The following PRKG1 variants were observed in gnomAD, a reference collection of about 807,000 sequenced individuals.
The protein encoded by PRKG1 is protein kinase cGMP-dependent 1.
In PRKG1, 35 loss-of-function variants were observed where a neutral mutation model predicts 88.1. The ratio of observed to expected loss-of-function variants is 0.40; its 90% CI spans 0.30 to 0.53. The LOEUF is 0.53. PRKG1 is among the 20% of genes least tolerant of loss of function. PRKG1 has a pLI of 0.59. For synonymous variants in PRKG1, 303 were observed against 292.5 expected (o/e 1.04, Z -0.37); for missense variants, 540 against 839.8 (o/e 0.64, Z 4.41).
At chr10:51,006,702 A>G (rs1207043210) in intron 1 of PRKG1, among the ~76,000 whole-genome samples, 1 of 151,792 alleles carries the variant, frequency 6.6e-6, no homozygotes, top group Non-Finnish European at 1.5e-5. Context: ...CTTTCCATGC[A>G]TTTCACGCCC....
intron 2 of PRKG1, among the ~76,000 whole-genome samples, chr10:51,193,672 C>T (rs966848650): frequency 6.6e-5 from 10 of 151,910 alleles, no homozygotes; most frequent in African/African-American, 2.4e-4. Flanking sequence ...CCTTCAAAAC[C>T]AAACCTCCAA....
At chr10:51,008,986 A>G (rs1842965472) in intron 1 of PRKG1, among the ~76,000 whole-genome samples, 1 of 152,210 alleles carries the variant, frequency 6.6e-6, no homozygotes, top group South Asian at 2.1e-4. Flanking sequence ...TGGTGGCTCC[A>G]TGAAATGTCA....
In PRKG1 at chr10:51,804,661, G is replaced by A; in HGVS notation, c.669G>A (p.Lys223=). The change falls in exon 4 of 18, where the codon AAG becomes AAA. Residue 223 remains lysine (K), a synonymous_variant. Transcript: ENST00000373980. ...QTIMMRTGLI[K]HTEYMEFLKS... is the part of the protein sequence containing the mutation. The stretch of plus-strand genomic sequence containing the variant: ...TAATGATGAGGACAGGACTCATCAA[G>A]CATACCGAGTATATGGAATTTTTAA... The A allele has an allele frequency of 1.3e-6, 2 of 1,592,582 alleles. No individual in the cohort carries two copies. The highest frequency in any genetic ancestry group is 1.7e-6 in the Non-Finnish European group (2 of 1,161,166).
At position 51,190,128 on chromosome 10, in the gene PRKG1, A is replaced by G. The variant is rs151201216; in HGVS notation, c.478+36798A>G. ...TAACAACATTGTTGTTGTCATATCT[A>G]TAGTCTAGAAGTAGTTCATCTTTTG... On this transcript the variant is annotated intron_variant, in intron 2 of 17. Transcript: ENST00000373980. Among the ~76,000 whole-genome samples the G allele has an allele frequency of 7.2e-5, 11 of 152,106 alleles. No individual in the cohort carries two copies. The East Asian group carries it at 1.7e-3, about 24-fold the overall frequency.
chr10:51,858,157 TATATATTATATATATACATATTATAC>T (rs1840738875), intron 4 of PRKG1, among the ~76,000 whole-genome samples: 1 of 19,246 alleles, frequency 5.2e-5, no homozygotes, highest in African/African-American at 2.9e-4. Flanking sequence ...ATATATATAA[TATATATTATATATATACATATTATAC>T]ATATATATAA....
In PRKG1 at chr10:50,991,188, C is replaced by A; in HGVS notation, c.-191C>A. On this transcript the variant is annotated 5_prime_UTR_variant, in exon 1 of 18. Coordinates refer to the PRKG1 transcript ENST00000401604. The surrounding 1 kb of genome is among the most constrained non-coding windows in gnomAD (Gnocchi z 4.5). The stretch of plus-strand genomic sequence containing the variant: ...CTCCCCTCGGTGCTTTTAGTCCATT[C>A]AGCAGAAGCGGATCGAAGCAGGAGG... 1 of 753,040 alleles carries A rather than the reference C, an allele frequency of 1.3e-6. No homozygotes were observed. 46.6% of individuals were successfully genotyped at this position (753,040 alleles called of 1,614,324 possible).
rs187694418 is a variant in PRKG1 at position 52,246,702 on chromosome 10, C to A, written c.1077-4868C>A. Reference sequence around the variant, plus strand: ...GACCAGCCTGACCAACATGGTGAAACCCCATCTCTACTAAAAATACAAAAT... The same window carrying A: ...GACCAGCCTGACCAACATGGTGAAAACCCATCTCTACTAAAAATACAAAAT... On this transcript the variant is annotated intron_variant, in intron 9 of 17. Coordinates refer to ENST00000373980, the MANE Select transcript of PRKG1 (RefSeq NM_006258.4). Among the ~76,000 whole-genome samples, 46 of 151,852 alleles carry A rather than the reference C, an allele frequency of 3.0e-4. 1 individual carries two copies. The highest frequency in any genetic ancestry group is 3.4e-3 in the Middle Eastern group (1 of 294).
intron 9 of PRKG1, among the ~76,000 whole-genome samples, chr10:52,246,825 G>A (rs1420412264): frequency 7.3e-6 from 1 of 137,688 alleles, no homozygotes; most frequent in African/African-American, 2.8e-5. Context: ...GCAGTGAGCC[G>A]AGATCATGCC....
intron 8 of PRKG1, among the ~76,000 whole-genome samples, chr10:52,134,934 T>C (rs1169079394): frequency 6.6e-6 from 1 of 152,080 alleles, no homozygotes; most frequent in Non-Finnish European, 1.5e-5. Flanking sequence ...TTTTGTCTGG[T>C]TCCCAAAAAC....
chr10:51,396,665 A>T (rs765771967), intron 2 of PRKG1, among the ~76,000 whole-genome samples: 13 of 152,254 alleles, frequency 8.5e-5, no homozygotes, highest in Non-Finnish European at 1.5e-4. Flanking sequence ...GAGCTCCAGG[A>T]TGCTCAGCTG....
rs879932296 is a variant in PRKG1, at chr10:52,257,443, AC to A, written c.1173+5781del. Among the ~76,000 whole-genome samples, 101 of 140,118 alleles carry A rather than the reference AC, an allele frequency of 7.2e-4. 26 individuals are homozygous for A. Among genetic ancestry groups the A allele is most frequent in the Non-Finnish European group, 1.3e-4 (8 of 61,828 alleles). The allele number at this position is 140,118 out of a possible 152,430, so 91.9% of individuals were successfully genotyped here. ...GTGAGCAACTTAACTCCAAAGGGAAACCCCATGTAAGATGAAAACATTTCAA... is the reference window on the plus strand; with the variant it reads ...GTGAGCAACTTAACTCCAAAGGGAAACCCATGTAAGATGAAAACATTTCAA... On this transcript the variant is annotated intron_variant, in intron 10 of 17. Transcript: ENST00000373980.
chr10:51,469,179 G>T (rs945351413), intron 3 of PRKG1, among the ~76,000 whole-genome samples: 1 of 151,686 alleles, frequency 6.6e-6, no homozygotes, highest in Non-Finnish European at 1.5e-5. Context: ...AATAGTCATG[G>T]CTCCATTAAG....
chr10:51,950,560 G>A (rs1460434345), intron 5 of PRKG1, among the ~76,000 whole-genome samples: 2 of 152,350 alleles, frequency 1.3e-5, no homozygotes, highest in East Asian at 3.9e-4. Flanking sequence ...GGATCTGGCT[G>A]GCCATTCCAA....
Position 51,014,281 on chromosome 10 carries a change from T to C in PRKG1, c.266+22637T>C, listed in dbSNP as rs535094215. 2.6e-4 allele frequency among the ~76,000 whole-genome samples: 40 copies of C among 152,114 alleles called. 1 individual carries two copies. Among genetic ancestry groups the C allele is most frequent in the African/African-American group, 8.2e-4 (34 of 41,504 alleles). On this transcript the variant is annotated intron_variant, in intron 1 of 17. Coordinates refer to the PRKG1 transcript ENST00000401604. ...ATTCCCGTTGACAAAACAAGTGTTGTTGCCTTGTAGGAGCTACTCCTGCAT... is the reference window on the plus strand; with the variant it reads ...ATTCCCGTTGACAAAACAAGTGTTGCTGCCTTGTAGGAGCTACTCCTGCAT...
At chr10:51,621,090 A>G (rs1264919239) in intron 3 of PRKG1, among the ~76,000 whole-genome samples, 3 of 148,036 alleles carry the variant, frequency 2.0e-5, no homozygotes, top group Non-Finnish European at 4.5e-5. Flanking sequence ...TCATAAACTG[A>G]CATATATGTG....
At chr10:51,044,914 C>G (rs930167499) in intron 1 of PRKG1, among the ~76,000 whole-genome samples, 1 of 152,074 alleles carries the variant, frequency 6.6e-6, no homozygotes, top group African/African-American at 2.4e-5. Context: ...TCCTGGAAGC[C>G]AAATGTCTGG....
intron 3 of PRKG1, among the ~76,000 whole-genome samples, chr10:51,685,112 G>A (rs1211376614): frequency 6.6e-6 from 1 of 152,110 alleles, no homozygotes; most frequent in African/African-American, 2.4e-5. Context: ...ATCACTTAGT[G>A]AAAATGATGC....
At chr10:51,883,846 T>G (rs574136765) in intron 4 of PRKG1, among the ~76,000 whole-genome samples, 235 of 152,260 alleles carry the variant, frequency 1.5e-3, no homozygotes, top group African/African-American at 5.4e-3. Flanking sequence ...GTCTTCCTAT[T>G]ATTATCCCAT....
chr10:51,651,210 C>A (rs1840030482), intron 3 of PRKG1, among the ~76,000 whole-genome samples: 1 of 152,132 alleles, frequency 6.6e-6, no homozygotes, highest in Non-Finnish European at 1.5e-5. Context: ...AATTTCATAA[C>A]CTCAGGCATG....
Sources: gnomAD v4.1 joint callset for allele counts (sites outside exome capture counted in the v4.1 genomes callset) on GRCh38, gnomAD v4.1.1 for gene constraint, Gnocchi (gnomAD v3.1) non-coding constraint, MANE v1.5 for transcripts, NCBI Gene and HGNC (gene_info 2026-07-23, HGNC 2026-07-21) for gene names.